CCAR2: variants seen among roughly 807,000 people sequenced by gnomAD.
CCAR2 encodes cell cycle and apoptosis regulator 2.
A neutral mutation model predicts 108.1 loss-of-function variants in CCAR2; 21 were observed. The observed-to-expected ratio is 0.19, with a 90% confidence interval of 0.14 to 0.28. The LOEUF (loss-of-function observed/expected upper bound fraction) is 0.28. Among genes scored for constraint, CCAR2 ranks in the 10% least tolerant of loss-of-function variants. The pLI is 1.00. For synonymous variants in CCAR2, 577 were observed against 472.8 expected, an observed-to-expected ratio of 1.22 and a Z score of -2.86; for missense variants, 1,126 against 1,177.0, an observed-to-expected ratio of 0.96 and a Z score of 0.63.
At chr8:22,608,975 T>G (rs11136092) in intron 7 of CCAR2, among the ~76,000 whole-genome samples, 38,416 of 152,020 alleles carry the variant, frequency 0.25, 5,631 homozygotes, top group South Asian at 0.37. Context: ...ACGTGGAACT[T>G]ATGTAGATTG....
Position 22,618,632 on chromosome 8 carries a change from A to G in CCAR2, c.2236A>G (p.Ser746Gly), listed in dbSNP as rs1302424577. 1.2e-6 allele frequency: 2 copies of G among 1,614,008 alleles called. No homozygotes were observed. The highest frequency in any genetic ancestry group is 1.7e-6 in the Non-Finnish European group (2 of 1,180,028). ...LSAEQAKQLV[S>G]RVVTQNICQY... ...TTTTCTGCAGGCCAAGCAGCTGGTCAGCAGGGTGGTGACCCAGAACATCTG... is the reference window on the plus strand; with the variant it reads ...TTTTCTGCAGGCCAAGCAGCTGGTCGGCAGGGTGGTGACCCAGAACATCTG... The change falls in exon 18 of 21, where the codon AGC becomes GGC. Residue 746 changes from serine (S) to glycine (G), a missense_variant. This residue lies in a region of CCAR2 where 1,013 missense variants were observed against 993.9 expected (regional missense o/e 1.02). Coordinates refer to ENST00000308511, the MANE Select transcript of CCAR2 (RefSeq NM_001393997.1).
At chr8:22,607,642 TGA>T (rs769024850) in intron 6 of CCAR2, among the ~76,000 whole-genome samples, 52 of 151,780 alleles carry the variant, frequency 3.4e-4, no homozygotes, top group Non-Finnish European at 6.0e-4. Context: ...TAATTTTTTT[TGA>T]GAGAAAGTCT....
At chr8:22,621,303 C>A, downstream of CCAR2, 1 of 1,347,438 alleles carries the variant, frequency 7.4e-7, no homozygotes, top group South Asian at 1.5e-5. Flanking sequence ...TGCAAAGGGC[C>A]GGCAAGTGAA....
rs533441943 is a variant in CCAR2, at chr8:22,611,360, CAAA to C, written c.585-1640_585-1638del. On this transcript the variant is annotated intron_variant, in intron 7 of 20. Coordinates refer to ENST00000308511, the MANE Select transcript of CCAR2 (RefSeq NM_001393997.1). ...TGGGCAACAGAGCAAGACTCTGTCT[CAAA>C]AAAAAAAAAAAAAAAAGTATATATA... Among the ~76,000 whole-genome samples the C allele has an allele frequency of 4.2e-3, 417 of 99,642 alleles. 4 individuals are homozygous for C. Among genetic ancestry groups the C allele is most frequent in the African/African-American group, 0.014 (373 of 26,608 alleles). 65.4% of individuals were successfully genotyped at this position (99,642 alleles called of 152,430 possible).
intron 17 of CCAR2, 59 bp from the exon 18 acceptor site, chr8:22,618,558 C>T: frequency 6.2e-7 from 1 of 1,613,978 alleles, no homozygotes; most frequent in South Asian, 1.1e-5. Context: ...GCTCTAGGTT[C>T]CCGCCCATGG....
rs75182495 is a variant in CCAR2, at chr8:22,619,241, C to T, written c.2613C>T (p.Ala871=). Residue 871 remains alanine (A), a synonymous_variant, in exon 20 of 21, where the codon GCC becomes GCT. Coordinates refer to ENST00000308511, the MANE Select transcript of CCAR2 (RefSeq NM_001393997.1). ...AGCTGCGAGTCCGGCTGGCGGAGGC[C>T]GAGGAGACCGCCCGGACGGCGGAGC... ...MQELRVRLAE[A]EETARTAERQ... 17,341 of 1,570,082 alleles carry T rather than the reference C, an allele frequency of 0.011. 109 individuals are homozygous for T. Among genetic ancestry groups the T allele is most frequent in the Non-Finnish European group, 0.013 (15,185 of 1,158,162 alleles).
At position 22,619,663 on chromosome 8, in the gene CCAR2, A is replaced by T. The variant is rs1280291978; in HGVS notation, c.2753A>T (p.Glu918Val). 6.3e-7 allele frequency: 1 copy of T among 1,575,454 alleles called. No homozygotes were observed. The highest frequency in any genetic ancestry group is 8.6e-7 in the Non-Finnish European group (1 of 1,160,154). The change falls in exon 21 of 21, where the codon GAG becomes GTG. Residue 918 changes from glutamate to valine, a missense_variant. Transcript: ENST00000308511. ...GCTGACAGCTGGGTGGAGAAGGAGG[A>T]GCCGGCACCTAGCAACTGACGGCCT... ...EKADSWVEKE[E>V]PAPSN is the part of the protein sequence containing the mutation.
At chr8:22,613,385 C>G (rs1378786704) in intron 8 of CCAR2, among the ~76,000 whole-genome samples, 1 of 137,878 alleles carries the variant, frequency 7.3e-6, no homozygotes, top group Non-Finnish European at 1.5e-5. Flanking sequence ...TTAGCAACTA[C>G]ACAGTATTCA....
rs776787993 is a variant in CCAR2 at position 22,606,643 on chromosome 8, AC to A, written c.189del (p.Ser64AlafsTer17). On this transcript the variant is annotated frameshift_variant, in exon 4 of 21. Coordinates refer to ENST00000308511, the MANE Select transcript of CCAR2 (RefSeq NM_001393997.1). LOFTEE classifies it high-confidence loss of function. Reference sequence around the variant, plus strand: ...ACAGCGGGTCTTCACTGGTATTGTTACCAGCTTGCATGACTACTTTGGGGTT... The same window carrying A: ...ACAGCGGGTCTTCACTGGTATTGTTACAGCTTGCATGACTACTTTGGGGTT... ...EKQRVFTGIVTSLHDYFGVVD... is the reference protein window; with the variant it reads ...EKQRVFTGIVXSLHDYFGVVD... 6.2e-7 allele frequency: 1 copy of A among 1,614,126 alleles called. No homozygotes were observed. Among genetic ancestry groups the A allele is most frequent in the Non-Finnish European group, 8.5e-7 (1 of 1,180,020 alleles).
chr8:22,613,856 C>T, intron 8 of CCAR2: 6 of 523,192 alleles, frequency 1.1e-5, no homozygotes, highest in East Asian at 3.1e-5. Context: ...AGGCAATGAC[C>T]CATTTCTCTG....
At chr8:22,609,368 T>A (rs553912110) in intron 7 of CCAR2, among the ~76,000 whole-genome samples, 2 of 152,282 alleles carry the variant, frequency 1.3e-5, no homozygotes, top group South Asian at 4.1e-4. Flanking sequence ...CCCAGGCTGG[T>A]CTCGAACTCC....
chr8:22,612,090 C>T (rs945212627), intron 7 of CCAR2, among the ~76,000 whole-genome samples: 17 of 151,852 alleles, frequency 1.1e-4, no homozygotes, highest in African/African-American at 3.9e-4. Context: ...GGATTACAGA[C>T]GTGTGCAACC....
Position 22,605,752 on chromosome 8 carries a change from CTG to C in CCAR2, c.-21_-20del. The C allele has an allele frequency of 6.2e-7, 1 of 1,611,078 alleles. No individual in the cohort carries two copies. The highest frequency in any genetic ancestry group is 2.2e-5 in the East Asian group (1 of 44,832). On this transcript the variant is annotated 5_prime_UTR_variant, in exon 2 of 21. Transcript: ENST00000308511. ...GGATTGAAGCCTTTTCCCCACGACTCTGAAAGAGGACAGCGTTCCCAATGTCC... is the reference window on the plus strand; with the variant it reads ...GGATTGAAGCCTTTTCCCCACGACTCAAAGAGGACAGCGTTCCCAATGTCC...
In CCAR2 at chr8:22,618,814, C is replaced by T. The variant is rs201258650; in HGVS notation, c.2333-13C>T. ...AGACTCCATCCTGAATTCTTTTTCA[C>T]GGTTCTCTCTAGGAAACCTGGACCT... is the stretch of plus-strand genomic sequence containing the variant. On this transcript the variant is annotated splice_polypyrimidine_tract_variant and intron_variant, in intron 18 of 20. Transcript: ENST00000308511. The T allele has an allele frequency of 1.1e-4, 171 of 1,612,868 alleles. No homozygotes were observed. The highest frequency in any genetic ancestry group is 1.2e-4 in the Non-Finnish European group (138 of 1,179,634).
rs772291562 is a variant in CCAR2 at position 22,607,950 on chromosome 8, A to G, written c.488-19A>G. Reference sequence around the variant, plus strand: ...CGGTTTTTAGGGTTTTTGAGTCACCAGTCATTTCCTTTCTGCAGCTCTGAG... The same window carrying G: ...CGGTTTTTAGGGTTTTTGAGTCACCGGTCATTTCCTTTCTGCAGCTCTGAG... On this transcript the variant is annotated intron_variant, in intron 6 of 20. Transcript: ENST00000308511. 10 of 1,611,024 alleles carry G rather than the reference A, an allele frequency of 6.2e-6. No individual in the cohort carries two copies. In the South Asian group the frequency reaches 1.1e-4, roughly 18 times the overall value.
chr8:22,621,254 C>T, downstream of CCAR2: 1 of 916,942 alleles, frequency 1.1e-6, no homozygotes, highest in Non-Finnish European at 1.6e-6. Context: ...GGCGGCCTGC[C>T]TAGGGCTCCT....
chr8:22,615,294 G>GTGTC (rs2117450459), intron 11 of CCAR2, 131 bp from the exon 12 acceptor site: 1 of 1,160,360 alleles, frequency 8.6e-7, no homozygotes, highest in Admixed American at 2.2e-5. Context: ...CTTTCCTGTT[G>GTGTC]TGTCTTCAAA....
downstream of CCAR2, chr8:22,621,196 A>G (rs945506665): frequency 5.1e-5 from 29 of 574,078 alleles, no homozygotes; most frequent in Non-Finnish European, 7.6e-5. Flanking sequence ...AAAAAGCCCC[A>G]AGGGTTTGTC....
rs768540507 is a variant in CCAR2 at position 22,615,832 on chromosome 8, A to G, written c.1528A>G (p.Ile510Val). Reference sequence around the variant, plus strand: ...TCCACCCCCCCTAGAACCTGCTGTCATCGCACGCCCTGGCTGTGTAAACCT... The same window carrying G: ...TCCACCCCCCCTAGAACCTGCTGTCGTCGCACGCCCTGGCTGTGTAAACCT... ...APPPPLEPAV[I>V]ARPGCVNLSL... Residue 510 changes from isoleucine to valine, a missense_variant, in exon 13 of 21, where the codon ATC becomes GTC. Physicochemically the swap from Ile to Val is conservative, Grantham distance 29. Coordinates refer to ENST00000308511, the MANE Select transcript of CCAR2 (RefSeq NM_001393997.1). 2.0e-5 allele frequency: 33 copies of G among 1,614,022 alleles called. 1 individual carries two copies. The South Asian group carries it at 3.6e-4, about 18-fold the overall frequency.
Sources: gnomAD v4.1 joint callset for allele counts (sites outside exome capture counted in the v4.1 genomes callset) on GRCh38, gnomAD v4.1.1 for gene constraint, gnomAD v4.1.1 regional missense constraint, MANE v1.5 for transcripts, NCBI Gene and HGNC (gene_info 2026-07-23, HGNC 2026-07-21) for gene names.